WLS: variants seen among roughly 807,000 people sequenced by gnomAD.
WLS encodes protein wntless homolog.
A neutral mutation model predicts 62.8 loss-of-function variants in WLS; 23 were observed. That is an observed-to-expected ratio of 0.37 (90% CI 0.26 to 0.52). The LOEUF is 0.52. Ranked by LOEUF, WLS falls within the 20% of genes least tolerant of loss-of-function variation. WLS has a pLI of 0.92. For synonymous variants in WLS, 246 were observed against 244.1 expected, an observed-to-expected ratio of 1.01 and a Z score of -0.07; for missense variants, 615 against 697.3, an observed-to-expected ratio of 0.88 and a Z score of 1.33.
intron 2 of WLS, among the ~76,000 whole-genome samples, chr1:68,172,304 G>T (rs1370402436): frequency 9.2e-6 from 1 of 108,116 alleles, no homozygotes; most frequent in Non-Finnish European, 1.9e-5. Flanking sequence ...AGAACTTAAA[G>T]TATAATTAAA....
intron 1 of WLS, among the ~76,000 whole-genome samples, chr1:68,214,369 C>G (rs1273398598): frequency 8.5e-6 from 1 of 117,396 alleles, no homozygotes; most frequent in Non-Finnish European, 2.2e-5. Context: ...CCAACTTACT[C>G]CTTTTTTTTT....
chr1:68,161,594 T>G (rs796621738), intron 2 of WLS, among the ~76,000 whole-genome samples: 1 of 152,218 alleles, frequency 6.6e-6, no homozygotes, highest in East Asian at 1.9e-4. Context: ...GACGACATCT[T>G]CAGTTTTCTA....
chr1:68,217,513 A>T (rs945584481), intron 1 of WLS, among the ~76,000 whole-genome samples: 1 of 152,222 alleles, frequency 6.6e-6, no homozygotes, highest in Non-Finnish European at 1.5e-5. Context: ...TAACGGGAAC[A>T]TCAATAGTCT....
chr1:68,215,634 G>A (rs910814183), intron 1 of WLS, among the ~76,000 whole-genome samples: 2 of 152,136 alleles, frequency 1.3e-5, no homozygotes, highest in Non-Finnish European at 2.9e-5. Flanking sequence ...ATACAAAGAA[G>A]ATTTCTCCAG....
intron 10 of WLS, among the ~76,000 whole-genome samples, chr1:68,141,259 C>A (rs1425588183): frequency 1.3e-5 from 2 of 152,238 alleles, no homozygotes; most frequent in Non-Finnish European, 2.9e-5. Context: ...CACACACACA[C>A]AAAAGAGCTG....
intron 11 of WLS, among the ~76,000 whole-genome samples, chr1:68,108,212 G>A (rs1646174062): frequency 6.6e-6 from 1 of 152,122 alleles, no homozygotes; most frequent in African/African-American, 2.4e-5. Flanking sequence ...AGGGAAGACT[G>A]GAACTCTGGA....
At chr1:68,169,509 G>A (rs991628442) in intron 2 of WLS, among the ~76,000 whole-genome samples, 3 of 152,164 alleles carry the variant, frequency 2.0e-5, no homozygotes, top group Non-Finnish European at 2.9e-5. Flanking sequence ...ACCCTCTCCA[G>A]TCCAGATTTC....
At chr1:68,129,034 T>A (rs909535854) in intron 11 of WLS, among the ~76,000 whole-genome samples, 3 of 150,240 alleles carry the variant, frequency 2.0e-5, no homozygotes, top group African/African-American at 7.3e-5. Flanking sequence ...GCTAAAAATA[T>A]CCGCATACAG....
At chr1:68,206,757 G>C (rs1649297672) in intron 1 of WLS, among the ~76,000 whole-genome samples, 1 of 152,182 alleles carries the variant, frequency 6.6e-6, no homozygotes, top group Non-Finnish European at 1.5e-5. Context: ...TTTCTCAACT[G>C]TAAAAGGCAG....
At chr1:68,101,196 G>A (rs1646073239) in intron 11 of WLS, among the ~76,000 whole-genome samples, 1 of 152,126 alleles carries the variant, frequency 6.6e-6, no homozygotes, top group Non-Finnish European at 1.5e-5. Context: ...GTAACATGGG[G>A]ATGATAATAA....
intron 1 of WLS, among the ~76,000 whole-genome samples, chr1:68,222,514 A>C (rs1649982871): frequency 6.6e-6 from 1 of 152,172 alleles, no homozygotes; most frequent in Non-Finnish European, 1.5e-5. Context: ...AATGTTCTGC[A>C]CATTAACTCT....
At chr1:68,218,199 TA>T (rs1267350330) in intron 1 of WLS, among the ~76,000 whole-genome samples, 3 of 152,190 alleles carry the variant, frequency 2.0e-5, no homozygotes, top group Non-Finnish European at 2.9e-5. Flanking sequence ...GGGGAAAGAA[TA>T]AAACATTAAC....
intron 11 of WLS, among the ~76,000 whole-genome samples, chr1:68,115,992 C>T (rs1646287020): frequency 1.3e-5 from 2 of 152,190 alleles, no homozygotes; most frequent in African/African-American, 4.8e-5. Flanking sequence ...TCGGGAGCTT[C>T]CAGCTCTCCC....
At chr1:68,124,770 C>T (rs1041627407), downstream of WLS, among the ~76,000 whole-genome samples, 4 of 152,210 alleles carry the variant, frequency 2.6e-5, no homozygotes, top group Non-Finnish European at 5.9e-5. Context: ...CAGGAAAAGG[C>T]AGGCTAGGGG....
chr1:68,160,396 G>C (rs1403529355), intron 2 of WLS, among the ~76,000 whole-genome samples: 2 of 152,000 alleles, frequency 1.3e-5, no homozygotes, highest in Non-Finnish European at 2.9e-5. Flanking sequence ...GTGAGGTTTT[G>C]AGTTTTCAAT....
At chr1:68,230,204 G>A (rs540371450) in intron 1 of WLS, among the ~76,000 whole-genome samples, 1 of 152,228 alleles carries the variant, frequency 6.6e-6, no homozygotes, top group Admixed American at 6.5e-5. Context: ...GATCAGCCTA[G>A]AAAAAGAAAC....
In WLS at chr1:68,137,771, G is replaced by A; in HGVS notation, c.1516+9C>T. On this transcript the variant is annotated intron_variant, in intron 11 of 11. Coordinates refer to ENST00000262348, the MANE Select transcript of WLS (RefSeq NM_024911.7). ...TGACTTAAGCTGTTCTAAAGAGACA[G>A]AAACTCACCATTGGACTGGTCTTCT... The A allele has an allele frequency of 6.2e-7, 1 of 1,613,166 alleles. No homozygotes were observed. Among genetic ancestry groups the A allele is most frequent in the East Asian group, 2.2e-5 (1 of 44,860 alleles).
chr1:68,227,252 TA>T (rs1457598123), intron 1 of WLS, among the ~76,000 whole-genome samples: 1 of 152,048 alleles, frequency 6.6e-6, no homozygotes, highest in Non-Finnish European at 1.5e-5. Flanking sequence ...ACCCCGTCTC[TA>T]CTAAAAATAC....
chr1:68,134,242 C>T (rs569448654), intron 11 of WLS, among the ~76,000 whole-genome samples: 5 of 152,210 alleles, frequency 3.3e-5, no homozygotes, highest in African/African-American at 1.2e-4. Flanking sequence ...TAGGATACAT[C>T]GTGTGATCTG....
Sources: allele counts gnomAD v4.1 joint callset (sites outside exome capture counted in the v4.1 genomes callset), GRCh38; gene constraint gnomAD v4.1.1; transcripts MANE v1.5; gene names NCBI Gene and HGNC (gene_info 2026-07-23, HGNC 2026-07-21).